Variants in TENM4 observed in about 807,000 individuals in gnomAD.
TENM4 encodes the protein teneurin-4.
In TENM4, 82 loss-of-function variants were observed where a neutral mutation model predicts 243.3. The observed-to-expected ratio is 0.34, with a 90% confidence interval of 0.28 to 0.40. The LOEUF is 0.40. Among genes scored for constraint, TENM4 ranks in the 10% least tolerant of loss-of-function variants. The pLI is 1.00. For synonymous variants in TENM4, 1,412 were observed against 1,456.3 expected (o/e 0.97, Z 0.69); for missense variants, 3,138 against 3,673.3 (o/e 0.85, Z 3.77).
chr11:78,880,416 TC>T (rs1281906853), intron 9 of TENM4, among the ~76,000 whole-genome samples: 1 of 131,026 alleles, frequency 7.6e-6, no homozygotes, highest in Non-Finnish European at 1.5e-5. Context: ...CCCTGCCACA[TC>T]CCCCTCTCTG....
intron 18 of TENM4, among the ~76,000 whole-genome samples, chr11:78,761,308 C>A (rs1783951): frequency 0.017 from 2,569 of 151,622 alleles, 25 homozygotes; most frequent in Middle Eastern, 0.027. Context: ...GGCGTGATCT[C>A]GGCTCACTGC....
chr11:78,894,323 T>G (rs181092409), intron 7 of TENM4, among the ~76,000 whole-genome samples: 18 of 152,264 alleles, frequency 1.2e-4, no homozygotes, highest in Admixed American at 9.2e-4. Flanking sequence ...GATCCCATTT[T>G]AAGATACAGA....
chr11:78,909,627 A>G (rs1046703390), intron 6 of TENM4, among the ~76,000 whole-genome samples: 1 of 152,086 alleles, frequency 6.6e-6, no homozygotes, highest in African/African-American at 2.4e-5. Context: ...AGCCCCAGGG[A>G]GCACCACAGG....
chr11:79,269,857 T>A (rs1432350793), intron 2 of TENM4, among the ~76,000 whole-genome samples: 2 of 152,214 alleles, frequency 1.3e-5, no homozygotes, highest in African/African-American at 4.8e-5. Context: ...TTTTATTTCA[T>A]CTATTTGATT....
chr11:79,294,059 C>G (rs1418256261), intron 2 of TENM4, among the ~76,000 whole-genome samples: 1 of 152,208 alleles, frequency 6.6e-6, no homozygotes, highest in African/African-American at 2.4e-5. Flanking sequence ...TCATATTTCT[C>G]TTTGTCCCAG....
chr11:79,319,704 A>G (rs1248684806), intron 1 of TENM4, among the ~76,000 whole-genome samples: 2 of 151,944 alleles, frequency 1.3e-5, no homozygotes, highest in Non-Finnish European at 2.9e-5. Flanking sequence ...TGAGCAAACT[A>G]GATACCTAAC....
intron 6 of TENM4, among the ~76,000 whole-genome samples, chr11:78,975,494 A>G (rs1348433134): frequency 1.3e-5 from 2 of 152,094 alleles, no homozygotes; most frequent in African/African-American, 4.8e-5. Context: ...GCTCTCTTCA[A>G]CAGGGAGGCT....
chr11:79,068,688 A>G (rs1199281270), intron 5 of TENM4, among the ~76,000 whole-genome samples: 2 of 152,188 alleles, frequency 1.3e-5, no homozygotes, highest in Non-Finnish European at 2.9e-5. Context: ...ATTGTCAGGC[A>G]TTGGTCATGA....
chr11:79,157,264 T>C, intron 3 of TENM4, among the ~76,000 whole-genome samples: 1 of 152,172 alleles, frequency 6.6e-6, no homozygotes, highest in East Asian at 1.9e-4. Flanking sequence ...GTTTCTGTCC[T>C]GGACACCCAG....
chr11:78,909,155 G>T (rs1856126764), intron 6 of TENM4, among the ~76,000 whole-genome samples: 1 of 152,166 alleles, frequency 6.6e-6, no homozygotes, highest in Admixed American at 6.5e-5. Context: ...AAACAAATAT[G>T]GTCCTTGACT....
chr11:78,893,110 G>C (rs1403921727), intron 7 of TENM4, among the ~76,000 whole-genome samples: 1 of 152,244 alleles, frequency 6.6e-6, no homozygotes, highest in Admixed American at 6.5e-5. Flanking sequence ...GCACTGTCTG[G>C]GCCAGCGGCC....
intron 3 of TENM4, among the ~76,000 whole-genome samples, chr11:79,190,420 C>T (rs1863457735): frequency 6.6e-6 from 1 of 152,184 alleles, no homozygotes; most frequent in Admixed American, 6.5e-5. Context: ...TCTTTTTCCT[C>T]TCTGCCCTCT....
At chr11:79,277,505 G>T (rs1856079162) in intron 2 of TENM4, among the ~76,000 whole-genome samples, 1 of 152,310 alleles carries the variant, frequency 6.6e-6, no homozygotes. Flanking sequence ...TTTGAACCCA[G>T]GTCTTTGTGA....
chr11:78,748,694 T>G (rs1220189823), intron 19 of TENM4, among the ~76,000 whole-genome samples: 1 of 152,170 alleles, frequency 6.6e-6, no homozygotes, highest in Non-Finnish European at 1.5e-5. Flanking sequence ...AGCTCAGTTT[T>G]CATTGCTTAA....
chr11:79,285,789 T>A (rs1856240069), intron 2 of TENM4, among the ~76,000 whole-genome samples: 1 of 151,670 alleles, frequency 6.6e-6, no homozygotes, highest in Admixed American at 6.6e-5. Context: ...CAACATCTTG[T>A]ATGATTCCAT....
At chr11:79,343,655 TA>T (rs57907479) in intron 1 of TENM4, among the ~76,000 whole-genome samples, 12,514 of 145,558 alleles carry the variant, frequency 0.086, 614 homozygotes, top group African/African-American at 0.14. Flanking sequence ...TAGCTAAGTT[TA>T]AAAAAAAAAA....
intron 1 of TENM4, among the ~76,000 whole-genome samples, chr11:79,305,891 C>G (rs1002439513): frequency 1.3e-5 from 2 of 152,226 alleles, no homozygotes; most frequent in Non-Finnish European, 2.9e-5. Context: ...TTCTAGCAGC[C>G]TGGCCACAGC....
At chr11:79,356,102 T>C (rs1382080613) in intron 1 of TENM4, among the ~76,000 whole-genome samples, 1 of 152,162 alleles carries the variant, frequency 6.6e-6, no homozygotes, top group Admixed American at 6.5e-5. Context: ...GACCATCACC[T>C]GGGCAAGATG....
intron 13 of TENM4, among the ~76,000 whole-genome samples, chr11:78,813,879 G>A (rs1372554940): frequency 1.1e-4 from 16 of 152,302 alleles, no homozygotes; most frequent in East Asian, 3.9e-4. Context: ...CAGAGCAGTC[G>A]TCAGGCTCCC....
Sources: allele counts gnomAD v4.1 joint callset (sites outside exome capture counted in the v4.1 genomes callset), GRCh38; gene constraint gnomAD v4.1.1; transcripts MANE v1.5; gene names NCBI Gene and HGNC (gene_info 2026-07-23, HGNC 2026-07-21).